PCDHGA1: variants seen among roughly 807,000 people sequenced by gnomAD.
PCDHGA1 encodes the protein protocadherin gamma-A1.
PCDHGA1 carries 32 observed loss-of-function variants against 58.0 expected under a neutral mutation model. That is an observed-to-expected ratio of 0.55 (90% CI 0.42 to 0.74). The LOEUF (loss-of-function observed/expected upper bound fraction) is 0.74, where lower values mean the gene tolerates loss of function less well. Ranked by LOEUF, PCDHGA1 falls within the 30% of genes least tolerant of loss-of-function variation. The pLI, the probability that PCDHGA1 is intolerant of heterozygous loss-of-function variation, is 0.00. For missense variants in PCDHGA1, 1,205 were observed against 1,182.3 expected (o/e 1.02, Z -0.28); for synonymous variants, 498 against 501.1 (o/e 0.99, Z 0.08).
rs370067669 is a variant in PCDHGA1 at position 141,419,410 on chromosome 5, G to A, written c.2422-75397G>A. ...CGCAGAGCGGGGTGGTGTTCGCGCA[G>A]CGCGCCTTCGACCACGAGCAGCTGC... On this transcript the variant is annotated intron_variant, in intron 1 of 3. Coordinates refer to ENST00000517417, the MANE Select transcript of PCDHGA1 (RefSeq NM_018912.3). 140 of 1,613,468 alleles carry A rather than the reference G, an allele frequency of 8.7e-5. No individual in the cohort carries two copies. In the African/African-American group the frequency reaches 1.8e-3, roughly 20 times the overall value.
chr5:141,510,229 C>T (rs904367594), intron 3 of PCDHGA1, among the ~76,000 whole-genome samples: 3 of 150,486 alleles, frequency 2.0e-5, no homozygotes, highest in African/African-American at 7.4e-5. Context: ...GCCGGGATCG[C>T]GCCACTGCAC....
intron 1 of PCDHGA1, chr5:141,427,909 C>G: frequency 6.3e-7 from 1 of 1,576,922 alleles, no homozygotes; most frequent in Non-Finnish European, 8.7e-7. Context: ...GCGCTCAGCG[C>G]CAACATGAGC....
At chr5:141,464,312 C>T (rs2099081610) in intron 1 of PCDHGA1, among the ~76,000 whole-genome samples, 1 of 149,056 alleles carries the variant, frequency 6.7e-6, no homozygotes, top group South Asian at 2.1e-4. Flanking sequence ...GTGCACATAT[C>T]ATTATCTGTT....
chr5:141,508,741 C>G (rs2099871426), intron 3 of PCDHGA1, among the ~76,000 whole-genome samples: 1 of 152,042 alleles, frequency 6.6e-6, no homozygotes, highest in Non-Finnish European at 1.5e-5. Context: ...ACCCCCCACC[C>G]CGCTCTTTCT....
At chr5:141,504,995 G>A (rs1214858212) in intron 2 of PCDHGA1, among the ~76,000 whole-genome samples, 6 of 151,980 alleles carry the variant, frequency 3.9e-5, no homozygotes, top group African/African-American at 1.5e-4. Context: ...AACCCCGTCT[G>A]TACTAAAAAT....
chr5:141,456,263 T>C (rs2098847567), intron 1 of PCDHGA1, among the ~76,000 whole-genome samples: 2 of 152,292 alleles, frequency 1.3e-5, no homozygotes, highest in South Asian at 2.1e-4. Flanking sequence ...CCATTGCTTC[T>C]GGCTACTTCC....
In PCDHGA1 at chr5:141,511,421, G is replaced by A. The variant is rs1289887363; in HGVS notation, c.*248G>A. 19 of 829,148 alleles carry A rather than the reference G, an allele frequency of 2.3e-5. No individual in the cohort carries two copies. The highest frequency in any genetic ancestry group is 3.8e-4 in the Middle Eastern group (1 of 2,640). 51.4% of individuals were successfully genotyped at this position (829,148 alleles called of 1,614,324 possible). On this transcript the variant is annotated 3_prime_UTR_variant, in exon 4 of 4. Coordinates refer to ENST00000517417, the MANE Select transcript of PCDHGA1 (RefSeq NM_018912.3). The stretch of plus-strand genomic sequence containing the variant: ...CCAATCAACTGCTGTACCCATGGGG[G>A]TAGTGGGGTTACTGTAGACACCAAG...
chr5:141,408,729 C>T (rs767933076), intron 1 of PCDHGA1: 9 of 1,610,240 alleles, frequency 5.6e-6, no homozygotes, highest in Non-Finnish European at 7.6e-6. Flanking sequence ...AACTCTAATC[C>T]TTATTTTTCA....
intron 1 of PCDHGA1, among the ~76,000 whole-genome samples, chr5:141,362,987 G>T (rs191534740): frequency 1.3e-5 from 2 of 152,326 alleles, no homozygotes; most frequent in Admixed American, 6.5e-5. Context: ...TTTGCATAAT[G>T]GCATGGCTTG....
rs70988800 is a variant in PCDHGA1 at position 141,379,889 on chromosome 5, C to CTTTTTTTTTTTTTTTTT, written c.2421+46798_2421+46814dup. On this transcript the variant is annotated intron_variant, in intron 1 of 3. Transcript: ENST00000517417. ...CTTATTTTATGGTCTGTGAAAGCCT[C>CTTTTTTTTTTTTTTTTT]TTTTTTTTTTTTTTTTTTTTTTTTT... Among the ~76,000 whole-genome samples the CTTTTTTTTTTTTTTTTT allele has an allele frequency of 3.2e-3, 165 of 50,828 alleles. 28 individuals carry two copies. Among genetic ancestry groups the CTTTTTTTTTTTTTTTTT allele is most frequent in the Non-Finnish European group, 4.5e-3 (116 of 25,882 alleles). The allele number at this position is 50,828 out of a possible 152,430, so 33.3% of individuals were successfully genotyped here. A position where few individuals can be genotyped will look rare whatever the true frequency, so the allele number is the denominator to read the frequency against.
At chr5:141,343,713 C>T (rs1757311747) in intron 1 of PCDHGA1, 1 of 226,344 alleles carries the variant, frequency 4.4e-6, no homozygotes, top group African/African-American at 2.3e-5. Context: ...AGAAGGATTT[C>T]AGATCTTGGA....
chr5:141,450,592 T>G (rs1403924348), intron 1 of PCDHGA1, among the ~76,000 whole-genome samples: 1 of 151,838 alleles, frequency 6.6e-6, no homozygotes, highest in Non-Finnish European at 1.5e-5. Context: ...GTTCAAGCAA[T>G]TCTCCTGCCT....
chr5:141,505,402 T>G lies in PCDHGA1; in HGVS notation c.2490T>G (p.Asn830Lys), dbSNP rs1216666169. 1.9e-6 allele frequency: 3 copies of G among 1,614,014 alleles called. No homozygotes were observed. Among genetic ancestry groups the G allele is most frequent in the Non-Finnish European group, 2.5e-6 (3 of 1,180,034 alleles). Residue 830 changes from asparagine (N) to lysine (K), a missense_variant, in exon 3 of 4, where the codon AAT (asparagine) becomes AAG (lysine). Coordinates refer to ENST00000517417, the MANE Select transcript of PCDHGA1 (RefSeq NM_018912.3). The part of the protein sequence containing the change: ...AQRPGTSGSQ[N>K]GDDTGTWPNN... ...CCTACTCTCTCCCCAGCTCCCAAAA[T>G]GGCGATGACACCGGCACCTGGCCCA...
intron 1 of PCDHGA1, chr5:141,357,267 C>G: frequency 1.2e-6 from 2 of 1,613,834 alleles, no homozygotes; most frequent in East Asian, 4.5e-5. Context: ...ACTCGGGCCT[C>G]ACACTCTATC....
chr5:141,427,726 T>G (rs2097061742), intron 1 of PCDHGA1: 1 of 1,155,034 alleles, frequency 8.7e-7, no homozygotes, highest in Non-Finnish European at 1.3e-6. Context: ...GACCTAGGGC[T>G]GAATGGCCAA....
Position 141,432,830 on chromosome 5 carries a change from C to G in PCDHGA1, c.2422-61977C>G, listed in dbSNP as rs780093171. On this transcript the variant is annotated intron_variant, in intron 1 of 3. Coordinates refer to ENST00000517417, the MANE Select transcript of PCDHGA1 (RefSeq NM_018912.3). The surrounding 1 kb of genome is among the most constrained non-coding windows in gnomAD (Gnocchi z 6.0). ...TAACTCTGAAACCTCAGACCTCACT[C>G]TGTACCTGGTGGTAGCGGTGGCCGC... 4 of 1,614,208 alleles carry G rather than the reference C, an allele frequency of 2.5e-6. No individual in the cohort carries two copies. The highest frequency in any genetic ancestry group is 2.2e-5 in the East Asian group (1 of 44,874).
chr5:141,495,108 C>G (rs1304714928), intron 2 of PCDHGA1, among the ~76,000 whole-genome samples: 1 of 152,176 alleles, frequency 6.6e-6, no homozygotes, highest in Admixed American at 6.5e-5. Context: ...ACGACCGGCA[C>G]CTTTTCCTAT....
chr5:141,355,277 T>C, intron 1 of PCDHGA1: 1 of 1,613,656 alleles, frequency 6.2e-7, no homozygotes, highest in Non-Finnish European at 8.5e-7. Context: ...CTGGTGGAAA[T>C]CAGGGCCGAA....
chr5:141,399,711 A>G (rs1232938340), intron 1 of PCDHGA1: 5 of 1,613,236 alleles, frequency 3.1e-6, no homozygotes, highest in African/African-American at 1.3e-5. Context: ...AACTCACACT[A>G]CAGGCCCGCG....
Sources: allele counts gnomAD v4.1 joint callset (sites outside exome capture counted in the v4.1 genomes callset), GRCh38; gene constraint gnomAD v4.1.1; non-coding constraint Gnocchi (gnomAD v3.1); transcripts MANE v1.5; gene names NCBI Gene and HGNC (gene_info 2026-07-23, HGNC 2026-07-21).